MZT2B: variants seen among roughly 807,000 people sequenced by gnomAD.
The protein encoded by MZT2B is mitotic spindle organizing protein 2B.
Under a neutral mutation model 12.1 loss-of-function variants are expected in MZT2B, and 11 were observed. The observed-to-expected ratio is 0.91, with a 90% CI of 0.57 to 1.50. The LOEUF (loss-of-function observed/expected upper bound fraction) is 1.50. Ranked by LOEUF, MZT2B falls within the 40% of genes most tolerant of loss-of-function variation. MZT2B has a pLI of 0.00. For missense variants in MZT2B, 209 were observed against 227.7 expected, an observed-to-expected ratio of 0.92 and a Z score of 0.53; for synonymous variants, 85 against 109.5, an observed-to-expected ratio of 0.78 and a Z score of 1.40.
At chr2:130,191,819 C>G (rs761504677), downstream of MZT2B, 1 of 1,586,636 alleles carries the variant, frequency 6.3e-7, no homozygotes, top group Non-Finnish European at 8.6e-7. Context: ...GAGAACCCAC[C>G]ACACCCTCCC....
downstream of MZT2B, among the ~76,000 whole-genome samples, chr2:130,191,341 C>T (rs894743926): frequency 1.3e-5 from 2 of 151,556 alleles, no homozygotes; most frequent in African/African-American, 4.9e-5. Context: ...CTGTGTGGAA[C>T]TCGGTTAATA....
the MZT2B span, chr2:130,204,216 G>A: frequency 3.3e-6 from 4 of 1,196,422 alleles, no homozygotes; most frequent in Non-Finnish European, 4.5e-6. Flanking sequence ...CCAAAGAACT[G>A]AAAGATGCCC....
chr2:130,192,364 T>C (rs1425926299), downstream of MZT2B, among the ~76,000 whole-genome samples: 3 of 152,190 alleles, frequency 2.0e-5, no homozygotes, highest in Non-Finnish European at 4.4e-5. Context: ...TAAAGGGCTG[T>C]GTCCTAGTAC....
At chr2:130,183,160 T>C (rs1259473298) in intron 2 of MZT2B, 1 of 358,116 alleles carries the variant, frequency 2.8e-6, no homozygotes, top group Non-Finnish European at 5.1e-6. Context: ...GCCATGAGTT[T>C]TAGACCACTC....
chr2:130,196,426 T>C, the MZT2B span: 1 of 1,579,620 alleles, frequency 6.3e-7, no homozygotes, highest in Admixed American at 1.8e-5. Context: ...CTTGAAACTA[T>C]ATGGCATGCA....
the MZT2B span, among the ~76,000 whole-genome samples, chr2:130,202,607 C>T: frequency 6.6e-6 from 1 of 152,196 alleles, no homozygotes; most frequent in African/African-American, 2.4e-5. Context: ...CCTGCTGTGC[C>T]CAGTTGCTAC....
chr2:130,187,360 T>A (rs1380174336), intron 2 of MZT2B, among the ~76,000 whole-genome samples: 15 of 152,090 alleles, frequency 9.9e-5, no homozygotes, highest in South Asian at 2.1e-4. Flanking sequence ...GCTAATTTTT[T>A]AATTTTTTGT....
chr2:130,182,359 C>T lies in MZT2B; in HGVS notation c.77C>T (p.Ala26Val), dbSNP rs1178648173. Residue 26 changes from alanine (A) to valine (V), a missense_variant, in exon 1 of 3, where the codon GCG (alanine) becomes GTG (valine). By Grantham distance (64) the Ala-to-Val change is moderately conservative (BLOSUM62 0). Coordinates refer to ENST00000281871, the MANE Select transcript of MZT2B (RefSeq NM_025029.5). ...PGLEAARQKLALRRKKVLSTE... is the reference protein window; with the variant it reads ...PGLEAARQKLVLRRKKVLSTE... Reference sequence around the variant, plus strand: ...CTGGAGGCGGCCCGGCAGAAGCTGGCGCTGCGGCGGAAGAAGGTGCTGAGC... The same window carrying T: ...CTGGAGGCGGCCCGGCAGAAGCTGGTGCTGCGGCGGAAGAAGGTGCTGAGC... 7 of 1,539,036 alleles carry T rather than the reference C, an allele frequency of 4.5e-6. 1 individual carries two copies. In the South Asian group the frequency reaches 8.3e-5, roughly 18 times the overall value.
chr2:130,183,781 C>T (rs1195428992), intron 2 of MZT2B: 2 of 1,550,652 alleles, frequency 1.3e-6, no homozygotes, highest in Non-Finnish European at 1.7e-6. Context: ...TCTCTCTGAC[C>T]TCCAGAGGCC....
intron 2 of MZT2B, chr2:130,183,619 C>A (rs543109871): frequency 1.0e-5 from 12 of 1,171,498 alleles, no homozygotes; most frequent in Non-Finnish European, 1.4e-5. Context: ...CGAGGAGACC[C>A]GCACAGGCAT....
upstream of MZT2B, chr2:130,181,700 G>C (rs987926304): frequency 5.2e-6 from 8 of 1,548,410 alleles, no homozygotes; most frequent in Admixed American, 2.0e-5. Flanking sequence ...AGCGAAGGCC[G>C]GCCGGGCGGG....
chr2:130,189,326 T>A (rs541815096), intron 2 of MZT2B, among the ~76,000 whole-genome samples: 110 of 152,292 alleles, frequency 7.2e-4, no homozygotes, highest in Non-Finnish European at 1.2e-3. Context: ...GATCTTTCAG[T>A]GTTCCAGGCA....
At chr2:130,198,527 G>C in the MZT2B span, 1 of 835,318 alleles carries the variant, frequency 1.2e-6, no homozygotes, top group Middle Eastern at 3.5e-4. Context: ...CCGAGGGCCG[G>C]ATCCCAGTTC....
At chr2:130,194,704 A>C (rs879908908), downstream of MZT2B, among the ~76,000 whole-genome samples, 5 of 152,030 alleles carry the variant, frequency 3.3e-5, no homozygotes, top group East Asian at 1.9e-4. Flanking sequence ...TTGAGACGGA[A>C]TCTTGCTCTG....
chr2:130,190,586 G>C lies in MZT2B; in HGVS notation c.437G>C (p.Gly146Ala). The C allele has an allele frequency of 6.2e-7, 1 of 1,613,234 alleles. No homozygotes were observed. Among genetic ancestry groups the C allele is most frequent in the South Asian group, 1.1e-5 (1 of 91,058 alleles). Residue 146 changes from glycine to alanine, a missense_variant, in exon 3 of 3, where the codon GGG (glycine) becomes GCG (alanine). Coordinates refer to ENST00000281871, the MANE Select transcript of MZT2B (RefSeq NM_025029.5). ...RQPSATRLPK[G>A]GGPGKSPTRG... ...CCCAGCGCTACCAGGCTGCCCAAGGGGGGCGGGCCTGGGAAGAGCCCTACA... is the reference window on the plus strand; with the variant it reads ...CCCAGCGCTACCAGGCTGCCCAAGGCGGGCGGGCCTGGGAAGAGCCCTACA...
chr2:130,182,826 G>A, intron 2 of MZT2B, 51 bp downstream of exon 2: 2 of 1,391,884 alleles, frequency 1.4e-6, no homozygotes, highest in Non-Finnish European at 1.9e-6. Flanking sequence ...TGGCGGGCGG[G>A]GAGGGGGCAG....
At chr2:130,186,243 C>T (rs537755192) in intron 2 of MZT2B, among the ~76,000 whole-genome samples, 1 of 152,254 alleles carries the variant, frequency 6.6e-6, no homozygotes, top group Non-Finnish European at 1.5e-5. Context: ...CCCTCTCAAG[C>T]TTGCCTCTGA....
chr2:130,182,078 T>G (rs970992576), upstream of MZT2B: 100 of 1,349,354 alleles, frequency 7.4e-5, 1 homozygote, highest in Non-Finnish European at 4.8e-5. Flanking sequence ...CACTCCCGGC[T>G]CCTAGAGCGC....
intron 2 of MZT2B, among the ~76,000 whole-genome samples, chr2:130,186,792 G>A (rs183615355): frequency 1.3e-5 from 2 of 152,096 alleles, no homozygotes; most frequent in Admixed American, 6.6e-5. Context: ...TGTAGTTCCA[G>A]CTACTTGGGA....
Sources: gnomAD v4.1 joint callset for allele counts (sites outside exome capture counted in the v4.1 genomes callset) on GRCh38, gnomAD v4.1.1 for gene constraint, MANE v1.5 for transcripts, NCBI Gene and HGNC (gene_info 2026-07-23, HGNC 2026-07-21) for gene names.